The following MAP4K5 variants were observed in gnomAD, a reference collection of about 807,000 sequenced individuals.
MAP4K5 encodes the protein mitogen-activated protein kinase kinase kinase kinase 5.
Under a neutral mutation model 135.6 loss-of-function variants are expected in MAP4K5, and 82 were observed. That is an observed-to-expected ratio of 0.60 (90% CI 0.51 to 0.73). The LOEUF (loss-of-function observed/expected upper bound fraction) is 0.73. Among genes scored for constraint, MAP4K5 ranks in the 30% least tolerant of loss-of-function variants. MAP4K5 has a pLI of 0.00. For missense variants in MAP4K5, 907 were observed against 1,010.9 expected, an observed-to-expected ratio of 0.90 and a Z score of 1.39; for synonymous variants, 347 against 335.0, an observed-to-expected ratio of 1.04 and a Z score of -0.39.
intron 12 of MAP4K5, among the ~76,000 whole-genome samples, 161 bp downstream of exon 12, chr14:50,463,891 C>CAAAAAAAAA (rs56877870): frequency 2.8e-5 from 2 of 70,394 alleles, no homozygotes; most frequent in African/African-American, 1.2e-4. Flanking sequence ...ACCCTGTTTC[C>CAAAAAAAAA]AAAAAAAAAA....
intron 3 of MAP4K5, among the ~76,000 whole-genome samples, chr14:50,496,967 T>A (rs1488060465): frequency 6.6e-6 from 1 of 152,184 alleles, no homozygotes; most frequent in Non-Finnish European, 1.5e-5. Context: ...ATGGCAAAAG[T>A]TTTCTGTATT....
chr14:50,518,264 A>AT (rs887784808), intron 2 of MAP4K5, among the ~76,000 whole-genome samples: 46 of 150,926 alleles, frequency 3.0e-4, no homozygotes, highest in Admixed American at 5.9e-4. Flanking sequence ...AAACTCATTA[A>AT]TTTTTTTTTT....
intron 14 of MAP4K5, among the ~76,000 whole-genome samples, chr14:50,451,792 T>A (rs2036493140): frequency 6.6e-6 from 1 of 152,096 alleles, no homozygotes; most frequent in Non-Finnish European, 1.5e-5. Flanking sequence ...AAACAAAACG[T>A]GTCTTGAGTT....
chr14:50,423,305 G>T lies in MAP4K5; in HGVS notation c.2398-129C>A, dbSNP rs559931678. On this transcript the variant is annotated intron_variant, in intron 31 of 32. Transcript: ENST00000682126. ...GGTAGACTTAATTCCTCAAATAAAA[G>T]AAATTTTAGTAAGTTTTTTGATTGC... 74 of 500,806 alleles carry T rather than the reference G, an allele frequency of 1.5e-4. 2 individuals are homozygous for T. The highest frequency in any genetic ancestry group is 4.5e-4 in the East Asian group (15 of 33,010). 31.0% of individuals were successfully genotyped at this position (500,806 alleles called of 1,614,324 possible). A position where few individuals can be genotyped will look rare whatever the true frequency, so the allele number is the denominator to read the frequency against.
At chr14:50,538,923 A>T (rs946415576) in intron 2 of MAP4K5, among the ~76,000 whole-genome samples, 1 of 152,198 alleles carries the variant, frequency 6.6e-6, no homozygotes, top group African/African-American at 2.4e-5. Context: ...GGCCTCAAGC[A>T]ATCGACCTAC....
At chr14:50,533,900 A>G (rs978627070), upstream of MAP4K5, among the ~76,000 whole-genome samples, 1 of 152,232 alleles carries the variant, frequency 6.6e-6, no homozygotes, top group African/African-American at 2.4e-5. Context: ...CCACACACAA[A>G]GGGCACTTAT....
rs2035655297 is a variant in MAP4K5, at chr14:50,418,579, A to C, written c.*1440T>G. The C allele has an allele frequency of 6.6e-6, 1 of 152,670 alleles. No homozygotes were observed. The highest frequency in any genetic ancestry group is 6.5e-5 in the Admixed American group (1 of 15,278). The allele number at this position is 152,670 out of a possible 1,614,324, so 9.5% of individuals were successfully genotyped here. A position where few individuals can be genotyped will look rare whatever the true frequency, so the allele number is the denominator to read the frequency against. On this transcript the variant is annotated 3_prime_UTR_variant, in exon 33 of 33. Transcript: ENST00000682126. ...TGCATAGTGAAAAGAACAGAGTCAG[A>C]AGACTCATGGTCAGGCTCAACTACT...
intron 32 of MAP4K5, among the ~76,000 whole-genome samples, 170 bp from the exon 33 acceptor site, chr14:50,420,276 A>C (rs1039423789): frequency 6.6e-6 from 1 of 152,206 alleles, no homozygotes; most frequent in African/African-American, 2.4e-5. Context: ...AAAACACAAT[A>C]AGAATTGATG....
chr14:50,526,916 C>G (rs1473458324), intron 2 of MAP4K5, among the ~76,000 whole-genome samples: 1 of 152,008 alleles, frequency 6.6e-6, no homozygotes, highest in African/African-American at 2.4e-5. Context: ...GATAAGACTA[C>G]ATGACAAAGA....
chr14:50,430,245 T>C (rs2035939297), intron 28 of MAP4K5, among the ~76,000 whole-genome samples: 1 of 152,204 alleles, frequency 6.6e-6, no homozygotes, highest in South Asian at 2.1e-4. Flanking sequence ...TAGGTTACCT[T>C]TCATTCTCTT....
At chr14:50,490,761 T>C (rs1753302405) in intron 3 of MAP4K5, among the ~76,000 whole-genome samples, 1 of 152,214 alleles carries the variant, frequency 6.6e-6, no homozygotes, top group Non-Finnish European at 1.5e-5. Context: ...TTCACAGCTC[T>C]GAATACAATT....
intron 30 of MAP4K5, among the ~76,000 whole-genome samples, chr14:50,427,661 T>C (rs1026536380): frequency 3.3e-4 from 50 of 152,206 alleles, no homozygotes; most frequent in African/African-American, 1.1e-3. Flanking sequence ...TGTTTAAAAA[T>C]GTTTCCATTC....
chr14:50,506,536 T>TCTAATATG (rs2037813671), intron 2 of MAP4K5, among the ~76,000 whole-genome samples: 2 of 152,094 alleles, frequency 1.3e-5, no homozygotes, highest in African/African-American at 4.8e-5. Flanking sequence ...CTGTTGTACT[T>TCTAATATG]TTTGTAGAGA....
At chr14:50,490,870 T>A (rs892883513) in intron 3 of MAP4K5, among the ~76,000 whole-genome samples, 7 of 152,090 alleles carry the variant, frequency 4.6e-5, no homozygotes, top group African/African-American at 1.7e-4. Context: ...AAAACACTTG[T>A]AAAAACATAG....
Position 50,508,612 on chromosome 14 carries a change from C to T in MAP4K5, c.109-3755G>A, listed in dbSNP as rs150765279. 3.3e-4 allele frequency among the ~76,000 whole-genome samples: 50 copies of T among 151,520 alleles called. No individual in the cohort carries two copies. The East Asian group carries it at 3.7e-3, about 11-fold the overall frequency. On this transcript the variant is annotated intron_variant, in intron 2 of 32. Coordinates refer to ENST00000682126, the MANE Select transcript of MAP4K5 (RefSeq NM_006575.6). The stretch of plus-strand genomic sequence containing the variant: ...GGATAGCATTAGGAGATACACCTAA[C>T]GTAAATGAAGAGTTAATGGGTGCAG...
chr14:50,485,738 T>C (rs1375794752), intron 4 of MAP4K5, 96 bp from the exon 5 acceptor site: 8 of 728,702 alleles, frequency 1.1e-5, no homozygotes, highest in African/African-American at 1.8e-5. Context: ...GGGTTCAGAA[T>C]GGACTGTGAA....
rs538433207 is a variant in MAP4K5 at position 50,522,344 on chromosome 14, T to C, written c.108+9598A>G. On this transcript the variant is annotated intron_variant, in intron 2 of 32. Coordinates refer to ENST00000682126, the MANE Select transcript of MAP4K5 (RefSeq NM_006575.6). Reference sequence around the variant, plus strand: ...CCAAGTTGAAAGTACTTTTTACTTCTTTTACAGTTTTCATAACATGTATTT... The same window carrying C: ...CCAAGTTGAAAGTACTTTTTACTTCCTTTACAGTTTTCATAACATGTATTT... Among the ~76,000 whole-genome samples, 15 of 152,272 alleles carry C rather than the reference T, an allele frequency of 9.9e-5. 1 individual carries two copies. The highest frequency in any genetic ancestry group is 3.6e-4 in the African/African-American group (15 of 41,558).
chr14:50,490,147 G>GTA (rs2139952359), intron 3 of MAP4K5, among the ~76,000 whole-genome samples: 1 of 145,814 alleles, frequency 6.9e-6, no homozygotes, highest in South Asian at 2.2e-4. Context: ...GTGTGTGTGT[G>GTA]TGTGTGTGTG....
intron 12 of MAP4K5, among the ~76,000 whole-genome samples, chr14:50,463,015 TATCTA>T (rs1466988651): frequency 6.6e-6 from 1 of 152,206 alleles, no homozygotes; most frequent in East Asian, 1.9e-4. Context: ...TTTGTGAAGT[TATCTA>T]ATCCATATTA....
Sources: gnomAD v4.1 joint callset for allele counts (sites outside exome capture counted in the v4.1 genomes callset) on GRCh38, gnomAD v4.1.1 for gene constraint, MANE v1.5 for transcripts, NCBI Gene and HGNC (gene_info 2026-07-23, HGNC 2026-07-21) for gene names.